SAMMSON: variants seen among roughly 807,000 people sequenced by gnomAD.
The protein encoded by SAMMSON is survival associated mitochondrial melanoma specific oncogenic non-coding RNA.
intron 6 of SAMMSON, among the ~76,000 whole-genome samples, chr3:70,261,239 G>A (rs1037770435): frequency 2.6e-5 from 4 of 152,110 alleles, no homozygotes; most frequent in African/African-American, 7.2e-5. Flanking sequence ...AGTCAATCTT[G>A]GATTCTTAAA....
At chr3:70,186,404 C>T (rs1219206153) in intron 4 of SAMMSON, among the ~76,000 whole-genome samples, 1 of 151,964 alleles carries the variant, frequency 6.6e-6, no homozygotes, top group Non-Finnish European at 1.5e-5. Context: ...ACTACAGGTG[C>T]ATGCCACCAT....
intron 3 of SAMMSON, among the ~76,000 whole-genome samples, chr3:70,035,887 A>G (rs1446903852): frequency 6.6e-6 from 1 of 152,122 alleles, no homozygotes; most frequent in Non-Finnish European, 1.5e-5. Context: ...AGGTAATGTA[A>G]CTGACCAAAT....
chr3:70,001,066 G>C (rs1487289774), intron 1 of SAMMSON, among the ~76,000 whole-genome samples: 2 of 151,912 alleles, frequency 1.3e-5, no homozygotes, highest in African/African-American at 2.4e-5. Flanking sequence ...TTGGCTCTCT[G>C]TATGGGCACA....
intron 6 of SAMMSON, among the ~76,000 whole-genome samples, chr3:70,258,530 A>G (rs1701838297): frequency 6.6e-6 from 1 of 152,150 alleles, no homozygotes; most frequent in Non-Finnish European, 1.5e-5. Flanking sequence ...GAGCTAGTAG[A>G]GTCTCATTTT....
chr3:70,385,750 C>G (rs1703118484), intron 9 of SAMMSON, among the ~76,000 whole-genome samples: 4 of 152,034 alleles, frequency 2.6e-5, no homozygotes, highest in Admixed American at 1.3e-4. Context: ...ACTATATCAC[C>G]TTTTTCTACA....
intron 7 of SAMMSON, among the ~76,000 whole-genome samples, chr3:70,319,989 T>G (rs1422610200): frequency 6.6e-6 from 1 of 151,982 alleles, no homozygotes; most frequent in African/African-American, 2.4e-5. Flanking sequence ...TATAGAAAAT[T>G]TCTGCATCCA....
At chr3:70,042,637 A>C (rs1172548896) in intron 3 of SAMMSON, among the ~76,000 whole-genome samples, 2 of 152,116 alleles carry the variant, frequency 1.3e-5, no homozygotes, top group African/African-American at 4.8e-5. Flanking sequence ...ATAGGTGAAG[A>C]GGTTGAGTTG....
At chr3:70,266,674 A>G (rs1218354106) in intron 6 of SAMMSON, among the ~76,000 whole-genome samples, 1 of 152,032 alleles carries the variant, frequency 6.6e-6, no homozygotes, top group Non-Finnish European at 1.5e-5. Flanking sequence ...TCAAACTCCT[A>G]GGCCCAAGAG....
chr3:70,037,083 A>G (rs1043559602), intron 3 of SAMMSON, among the ~76,000 whole-genome samples: 4 of 152,072 alleles, frequency 2.6e-5, no homozygotes, highest in African/African-American at 9.7e-5. Flanking sequence ...AATATTTTCA[A>G]TGCCTGGAAC....
chr3:70,340,882 C>T (rs1288841677), intron 7 of SAMMSON, among the ~76,000 whole-genome samples: 1 of 152,012 alleles, frequency 6.6e-6, no homozygotes, highest in Non-Finnish European at 1.5e-5. Context: ...CTTGTGAGTC[C>T]TCTTGGTGAA....
At chr3:70,101,384 G>A (rs1218241592) in intron 4 of SAMMSON, among the ~76,000 whole-genome samples, 2 of 150,966 alleles carry the variant, frequency 1.3e-5, no homozygotes, top group African/African-American at 2.5e-5. Context: ...GAAAATATTG[G>A]GGACATTTTT....
chr3:70,253,595 C>A (rs1298355208), intron 6 of SAMMSON, among the ~76,000 whole-genome samples: 11 of 152,098 alleles, frequency 7.2e-5, no homozygotes, highest in Admixed American at 7.2e-4. Flanking sequence ...TGGTGATGCA[C>A]CTCTGTAGTC....
intron 4 of SAMMSON, among the ~76,000 whole-genome samples, chr3:70,116,311 A>G (rs1180360713): frequency 1.5e-5 from 1 of 66,458 alleles, no homozygotes; most frequent in Non-Finnish European, 3.0e-5. Flanking sequence ...TTTTTTTTTT[A>G]AAGAAAATAG....
At chr3:70,040,996 G>A (rs766976354) in intron 3 of SAMMSON, among the ~76,000 whole-genome samples, 1 of 152,084 alleles carries the variant, frequency 6.6e-6, no homozygotes, top group African/African-American at 2.4e-5. Flanking sequence ...AACTCTCAGC[G>A]AGCTCCTTTG....
chr3:70,236,285 C>T (rs1008739608), intron 4 of SAMMSON, among the ~76,000 whole-genome samples: 5 of 152,168 alleles, frequency 3.3e-5, no homozygotes, highest in East Asian at 3.9e-4. Flanking sequence ...CACTTTGAGA[C>T]TTTAAACTCC....
At chr3:70,187,455 T>TTTTTA (rs1701099472) in intron 4 of SAMMSON, among the ~76,000 whole-genome samples, 2 of 130,266 alleles carry the variant, frequency 1.5e-5, no homozygotes, top group Non-Finnish European at 1.7e-5. Context: ...TTTTTTTTTT[T>TTTTTA]GAGACGGAGT....
intron 4 of SAMMSON, among the ~76,000 whole-genome samples, chr3:70,244,600 C>G (rs981628517): frequency 6.6e-6 from 1 of 151,862 alleles, no homozygotes; most frequent in African/African-American, 2.4e-5. Flanking sequence ...TAAAATGAAA[C>G]TGACACAAAC....
At chr3:70,242,616 G>A (rs1701674344) in intron 4 of SAMMSON, among the ~76,000 whole-genome samples, 1 of 152,044 alleles carries the variant, frequency 6.6e-6, no homozygotes, top group African/African-American at 2.4e-5. Flanking sequence ...CTGTTAAATG[G>A]TTTCCATTTT....
At position 70,215,057 on chromosome 3, in the gene SAMMSON, A is replaced by G. The variant is rs572897033; in HGVS notation, n.508-34050A>G. On this transcript the variant is annotated intron_variant and non_coding_transcript_variant, in intron 4 of 9. Coordinates refer to ENST00000642114, the Ensembl canonical transcript of SAMMSON. ...TAAATATAAATGTTAAAAATAAACCATAATTATTCAAAATATTCTCTATTA... is the reference window on the plus strand; with the variant it reads ...TAAATATAAATGTTAAAAATAAACCGTAATTATTCAAAATATTCTCTATTA... 2.0e-4 allele frequency among the ~76,000 whole-genome samples: 31 copies of G among 152,272 alleles called. No individual in the cohort carries two copies. In the East Asian group the frequency reaches 5.2e-3, roughly 26 times the overall value.
Sources: allele counts gnomAD v4.1 joint callset (sites outside exome capture counted in the v4.1 genomes callset), GRCh38; gene constraint gnomAD v4.1.1; transcripts MANE v1.5; gene names NCBI Gene and HGNC (gene_info 2026-07-23, HGNC 2026-07-21).